UGT1A5: variants seen among roughly 807,000 people sequenced by gnomAD.
The protein encoded by UGT1A5 is UDP-glucuronosyltransferase 1A5.
A neutral mutation model predicts 40.3 loss-of-function variants in UGT1A5; 29 were observed. That is an observed-to-expected ratio of 0.72 (90% confidence interval 0.54 to 0.98). UGT1A5 has a LOEUF of 0.98. UGT1A5 is among the 50% of genes least tolerant of loss of function. The pLI, the probability that UGT1A5 is intolerant of heterozygous loss-of-function variation, is 0.00. For missense variants in UGT1A5, 678 were observed against 677.9 expected, an observed-to-expected ratio of 1.00 and a Z score of 0.00; for synonymous variants, 257 against 262.5, an observed-to-expected ratio of 0.98 and a Z score of 0.20.
At chr2:233,738,236 C>A (rs1038259131) in intron 1 of UGT1A5, among the ~76,000 whole-genome samples, 4 of 152,220 alleles carry the variant, frequency 2.6e-5, no homozygotes, top group African/African-American at 4.8e-5. Flanking sequence ...GAGGCCCCTC[C>A]AGCCACATGG....
intron 1 of UGT1A5, 106 bp downstream of exon 1, chr2:233,713,964 C>T (rs2076358616): frequency 1.9e-6 from 3 of 1,604,778 alleles, no homozygotes; most frequent in Non-Finnish European, 2.6e-6. Flanking sequence ...CCAAAGATTT[C>T]ATTTCTGCTT....
rs188955971 is a variant in UGT1A5 at position 233,750,968 on chromosome 2, T to C, written c.868-16066T>C. ...ACAGAGTCTCCACTGGGGCACTGCC[T>C]AGTGGAGTTGTGAGAAGGCGGCCAC... is the stretch of plus-strand genomic sequence containing the variant. On this transcript the variant is annotated intron_variant, in intron 1 of 4. Transcript: ENST00000373414. Among the ~76,000 whole-genome samples the C allele has an allele frequency of 4.3e-4, 66 of 151,860 alleles. 1 individual carries two copies. The highest frequency in any genetic ancestry group is 3.5e-3 in the Admixed American group (53 of 15,300).
chr2:233,760,521 G>T, intron 1 of UGT1A5: 1 of 1,614,238 alleles, frequency 6.2e-7, no homozygotes, highest in South Asian at 1.1e-5. Context: ...CCTTGAAGAC[G>T]TACCCTGTGC....
intron 1 of UGT1A5, among the ~76,000 whole-genome samples, chr2:233,717,476 A>C (rs2076577625): frequency 6.6e-6 from 1 of 152,234 alleles, no homozygotes; most frequent in Non-Finnish European, 1.5e-5. Context: ...TTGTGTCCAA[A>C]GGTGGAATCT....
intron 1 of UGT1A5, chr2:233,755,371 G>A (rs1695886794): frequency 2.8e-6 from 1 of 358,288 alleles, no homozygotes; most frequent in South Asian, 2.2e-5. Context: ...CCGCCTGGAG[G>A]GCCGCCCCTT....
chr2:233,714,506 A>T (rs1575507249), intron 1 of UGT1A5, among the ~76,000 whole-genome samples: 1 of 152,250 alleles, frequency 6.6e-6, no homozygotes, highest in African/African-American at 2.4e-5. Flanking sequence ...CTTAAAAAAA[A>T]TTCTTACTAG....
Position 233,757,535 on chromosome 2 carries a change from A to AATATATATATATATATATATAT in UGT1A5, c.868-9494_868-9473dup, listed in dbSNP as rs67292694. Among the ~76,000 whole-genome samples, 69 of 88,256 alleles carry AATATATATATATATATATATAT rather than the reference A, an allele frequency of 7.8e-4. 1 individual carries two copies. Among genetic ancestry groups the AATATATATATATATATATATAT allele is most frequent in the South Asian group, 4.2e-3 (8 of 1,918 alleles). 57.9% of individuals were successfully genotyped at this position (88,256 alleles called of 152,430 possible). ...CAAAGCCAAAATCTTGCCTGTAAGG[A>AATATATATATATATATATATAT]ATATATATATATATATATATATATA... On this transcript the variant is annotated intron_variant, in intron 1 of 4. Transcript: ENST00000373414.
rs376887521 is a variant in UGT1A5, at chr2:233,757,535, A to AATATATATACATATACAT, written c.868-9490_868-9489insCATATACATATATATATA. On this transcript the variant is annotated intron_variant, in intron 1 of 4. Transcript: ENST00000373414. ...CAAAGCCAAAATCTTGCCTGTAAGG[A>AATATATATACATATACAT]ATATATATATATATATATATATATA... 8.8e-4 allele frequency among the ~76,000 whole-genome samples: 78 copies of AATATATATACATATACAT among 88,252 alleles called. 1 individual carries two copies. The highest frequency in any genetic ancestry group is 1.7e-3 in the African/African-American group (33 of 19,924). 57.9% of individuals were successfully genotyped at this position (88,252 alleles called of 152,430 possible). A position where few individuals can be genotyped will look rare whatever the true frequency, so the allele number is the denominator to read the frequency against.
chr2:233,755,084 G>T (rs779610585), intron 1 of UGT1A5: 29 of 1,335,184 alleles, frequency 2.2e-5, no homozygotes, highest in Non-Finnish European at 2.9e-5. Context: ...CATAGATATC[G>T]CGTTTCTACG....
rs1293478341 is a variant in UGT1A5, at chr2:233,720,768, G to A, written c.867+6910G>A. On this transcript the variant is annotated intron_variant, in intron 1 of 4. Coordinates refer to ENST00000373414, the MANE Select transcript of UGT1A5 (RefSeq NM_019078.2). ...TCGCCCAGGCTGGAGGGCAGTGGCCGGATCTCCGCTCACTGCAACCTTCAC... is the reference window on the plus strand; with the variant it reads ...TCGCCCAGGCTGGAGGGCAGTGGCCAGATCTCCGCTCACTGCAACCTTCAC... Among the ~76,000 whole-genome samples, 6 of 150,528 alleles carry A rather than the reference G, an allele frequency of 4.0e-5. No individual in the cohort carries two copies. The South Asian group carries it at 8.4e-4, about 21-fold the overall frequency.
chr2:233,720,461 C>T (rs1003798976), intron 1 of UGT1A5, among the ~76,000 whole-genome samples: 2 of 151,944 alleles, frequency 1.3e-5, no homozygotes, highest in African/African-American at 4.8e-5. Flanking sequence ...AAGCTGGGAC[C>T]AGTGATGAAT....
intron 1 of UGT1A5, chr2:233,729,105 G>A (rs779665217): frequency 1.9e-6 from 3 of 1,612,662 alleles, no homozygotes; most frequent in East Asian, 4.5e-5. Context: ...TGGACAGTCA[G>A]CTGTCCGTGT....
chr2:233,759,542 G>A (rs751549220), intron 1 of UGT1A5, among the ~76,000 whole-genome samples: 1 of 152,024 alleles, frequency 6.6e-6, no homozygotes, highest in Non-Finnish European at 1.5e-5. Flanking sequence ...GTTCACATGC[G>A]CTCCAGTGAA....
Position 233,713,355 on chromosome 2 carries a change from T to C in UGT1A5, c.364T>C (p.Leu122=), listed in dbSNP as rs1432041906. 4 of 1,614,234 alleles carry C rather than the reference T, an allele frequency of 2.5e-6. No individual in the cohort carries two copies. In the East Asian group the frequency reaches 8.9e-5, roughly 36 times the overall value. Residue 122 remains leucine, a synonymous_variant, in exon 1 of 5, where the codon TTG becomes CTG. Coordinates refer to ENST00000373414, the MANE Select transcript of UGT1A5 (RefSeq NM_019078.2). ...AATGGCAATTATGAACAATATGTCT[T>C]TGATCATACATAGGTCTTGTGTGGA... The part of the protein sequence containing the change: ...RRMAIMNNMS[L]IIHRSCVELL...
In UGT1A5 at chr2:233,768,364, G is replaced by C; in HGVS notation, c.1232G>C (p.Gly411Ala). ...AAGCGCATGGAGACTAAGGGAGCTG[G>C]AGTGACCCTGAATGTTCTGGAAATG... is the stretch of plus-strand genomic sequence containing the variant. ...NAKRMETKGAGVTLNVLEMTS... is the reference protein window; with the variant it reads ...NAKRMETKGAAVTLNVLEMTS... The change falls in exon 4 of 5, where the codon GGA (glycine) becomes GCA (alanine). Residue 411 changes from glycine (G) to alanine (A), a missense_variant. Physicochemically the swap from Gly to Ala is moderately conservative, Grantham distance 60. Transcript: ENST00000373414. 2 of 1,614,172 alleles carry C rather than the reference G, an allele frequency of 1.2e-6. No homozygotes were observed. The highest frequency in any genetic ancestry group is 1.7e-6 in the Non-Finnish European group (2 of 1,180,034).
chr2:233,757,238 G>C (rs191269433), intron 1 of UGT1A5, among the ~76,000 whole-genome samples: 1 of 148,984 alleles, frequency 6.7e-6, no homozygotes, highest in East Asian at 2.0e-4. Flanking sequence ...AGAAGTGGTG[G>C]TGAGGTGGGG....
intron 1 of UGT1A5, among the ~76,000 whole-genome samples, chr2:233,765,401 A>G (rs1024843153): frequency 3.9e-5 from 6 of 152,246 alleles, no homozygotes; most frequent in African/African-American, 1.4e-4. Flanking sequence ...TGTGGTACAT[A>G]TACACCATGG....
intron 1 of UGT1A5, chr2:233,743,281 T>C (rs1273336134): frequency 4.0e-6 from 2 of 496,058 alleles, no homozygotes; most frequent in East Asian, 1.4e-4. Flanking sequence ...CACCCTTTCT[T>C]GGCCATTCTC....
chr2:233,772,754 T>C lies in UGT1A5; in HGVS notation c.*195T>C. On this transcript the variant is annotated 3_prime_UTR_variant, in exon 5 of 5. Transcript: ENST00000373414. ...GCTAGTCAGTAAAGATATTTGAATA[T>C]GTATCGTGCCCCCTCTGGTGTCTTT... 2 of 1,409,478 alleles carry C rather than the reference T, an allele frequency of 1.4e-6. No individual in the cohort carries two copies. Among genetic ancestry groups the C allele is most frequent in the Non-Finnish European group, 1.9e-6 (2 of 1,074,872 alleles). 87.3% of individuals were successfully genotyped at this position (1,409,478 alleles called of 1,614,324 possible).
Sources: gnomAD v4.1 joint callset for allele counts (sites outside exome capture counted in the v4.1 genomes callset) on GRCh38, gnomAD v4.1.1 for gene constraint, MANE v1.5 for transcripts, NCBI Gene and HGNC (gene_info 2026-07-23, HGNC 2026-07-21) for gene names.